Variants in PDE10A observed in about 807,000 individuals in gnomAD.
PDE10A encodes the protein cAMP and cAMP-inhibited cGMP 3',5'-cyclic phosphodiesterase 10A.
In PDE10A, 39 loss-of-function variants were observed where a neutral mutation model predicts 97.7. That is an observed-to-expected ratio of 0.40 (90% CI 0.31 to 0.52). PDE10A has a LOEUF of 0.52. Among genes scored for constraint, PDE10A ranks in the 20% least tolerant of loss-of-function variants. The probability of loss-of-function intolerance (pLI) is 0.56; values close to 1 mark genes in which losing one functional copy is unlikely to be tolerated. For synonymous variants in PDE10A, 371 were observed against 376.8 expected (o/e 0.98, Z 0.18); for missense variants, 731 against 1,047.8 (o/e 0.70, Z 4.17).
intron 2 of PDE10A, among the ~76,000 whole-genome samples, chr6:165,533,757 C>T (rs370877137): frequency 4.6e-5 from 7 of 152,220 alleles, no homozygotes; most frequent in African/African-American, 1.7e-4. Flanking sequence ...TTCTTTTTAA[C>T]TGGGAAATGG....
chr6:165,928,342 G>A (rs1231144707), intron 1 of PDE10A, among the ~76,000 whole-genome samples: 1 of 152,112 alleles, frequency 6.6e-6, no homozygotes, highest in Non-Finnish European at 1.5e-5. Context: ...AATAAAAGGG[G>A]GTTCGTGAAA....
At chr6:165,818,847 C>T (rs1267977994) in intron 1 of PDE10A, among the ~76,000 whole-genome samples, 2 of 152,338 alleles carry the variant, frequency 1.3e-5, no homozygotes, top group East Asian at 3.9e-4. Flanking sequence ...ACCCTGCTTA[C>T]TTCAGCTGTG....
chr6:165,397,987 T>A (rs889815124), intron 13 of PDE10A, among the ~76,000 whole-genome samples: 1 of 152,210 alleles, frequency 6.6e-6, no homozygotes, highest in African/African-American at 2.4e-5. Flanking sequence ...GGTATATTTT[T>A]AAATATTTTA....
intron 1 of PDE10A, among the ~76,000 whole-genome samples, chr6:165,861,840 A>G (rs971964541): frequency 6.6e-6 from 1 of 152,198 alleles, no homozygotes; most frequent in African/African-American, 2.4e-5. Context: ...GCATATTTCC[A>G]TAGGCAGACA....
chr6:165,938,061 G>C (rs1252719470), intron 1 of PDE10A, among the ~76,000 whole-genome samples: 1 of 152,178 alleles, frequency 6.6e-6, no homozygotes, highest in East Asian at 1.9e-4. Context: ...GCCAAAGCTG[G>C]ACTGTCAGTA....
chr6:165,764,673 T>G (rs1055675031), intron 1 of PDE10A, among the ~76,000 whole-genome samples: 6 of 152,142 alleles, frequency 3.9e-5, no homozygotes, highest in African/African-American at 1.4e-4. Context: ...CCTGGCGGGC[T>G]TATAGTCCCA....
intron 1 of PDE10A, among the ~76,000 whole-genome samples, chr6:165,763,104 C>G (rs137863175): frequency 6.6e-6 from 1 of 152,188 alleles, no homozygotes; most frequent in African/African-American, 2.4e-5. Flanking sequence ...GCAGCTGGAG[C>G]GTTTCCACCA....
intron 1 of PDE10A, among the ~76,000 whole-genome samples, chr6:165,625,714 C>G (rs1303502947): frequency 6.6e-6 from 1 of 152,004 alleles, no homozygotes; most frequent in Non-Finnish European, 1.5e-5. Context: ...TGCACAAATT[C>G]TCTCTTGCTG....
At position 165,691,106 on chromosome 6, in the gene PDE10A, T is replaced by C. The variant is rs1017221245; in HGVS notation, c.-614-147538A>G. ...CTCTCTCTCTCTCTCTCTTTCTCTC[T>C]CCCCCCCCCCATCAGTGCCTGTGGT... On this transcript the variant is annotated intron_variant, in intron 1 of 19. Transcript: ENST00000366882. 7.1e-3 allele frequency among the ~76,000 whole-genome samples: 278 copies of C among 39,090 alleles called. 10 individuals are homozygous for C. The highest frequency in any genetic ancestry group is 0.01 in the South Asian group (7 of 688). 25.6% of individuals were successfully genotyped at this position (39,090 alleles called of 152,430 possible).
intron 1 of PDE10A, among the ~76,000 whole-genome samples, chr6:165,841,165 GTCA>G (rs1462395911): frequency 6.6e-6 from 1 of 152,230 alleles, no homozygotes; most frequent in Admixed American, 6.5e-5. Context: ...CTTTTGGAGT[GTCA>G]TCATTGCAAA....
At chr6:165,774,582 A>G (rs953642821) in intron 1 of PDE10A, among the ~76,000 whole-genome samples, 2 of 147,878 alleles carry the variant, frequency 1.4e-5, no homozygotes, top group African/African-American at 4.9e-5. Flanking sequence ...TATTTTATAT[A>G]CTATATGTAT....
intron 1 of PDE10A, among the ~76,000 whole-genome samples, chr6:165,555,077 T>G (rs79651859): frequency 0.011 from 1,705 of 152,172 alleles, 26 homozygotes; most frequent in African/African-American, 0.029. Flanking sequence ...ACCAAAAAAA[T>G]GAACAAGTGA....
intron 1 of PDE10A, among the ~76,000 whole-genome samples, chr6:165,722,226 T>C (rs532797065): frequency 1.1e-4 from 17 of 152,354 alleles, no homozygotes; most frequent in Non-Finnish European, 7.3e-5. Flanking sequence ...CGGTGCAGTT[T>C]CTTGGCTGCC....
intron 3 of PDE10A, among the ~76,000 whole-genome samples, chr6:165,470,143 A>G (rs115630517): frequency 6.6e-6 from 1 of 152,066 alleles, no homozygotes; most frequent in Non-Finnish European, 1.5e-5. Context: ...GGCTGCTTCC[A>G]CTCCTGGAGG....
At chr6:165,894,886 G>A (rs1210044119) in intron 1 of PDE10A, among the ~76,000 whole-genome samples, 3 of 152,198 alleles carry the variant, frequency 2.0e-5, no homozygotes, top group Non-Finnish European at 4.4e-5. Context: ...TCAACCTGGG[G>A]TAAGTATTAG....
At chr6:165,336,102 G>A (rs757732707) in intron 21 of PDE10A, 21 bp downstream of exon 21, 49 of 1,547,214 alleles carry the variant, frequency 3.2e-5, no homozygotes, top group African/African-American at 5.4e-5. Context: ...ATATTTTTAC[G>A]GCTTGAACCA....
chr6:165,912,426 T>C (rs377746871), intron 1 of PDE10A, among the ~76,000 whole-genome samples: 2 of 152,336 alleles, frequency 1.3e-5, no homozygotes, highest in African/African-American at 4.8e-5. Context: ...GGGAGCGTTC[T>C]CAGCTGAGGG....
chr6:165,778,426 A>G (rs1032083061), intron 1 of PDE10A, among the ~76,000 whole-genome samples: 1 of 152,190 alleles, frequency 6.6e-6, no homozygotes. Context: ...GCTCTATAGT[A>G]TGTAGGCACA....
chr6:165,883,548 A>T (rs867593540), intron 1 of PDE10A, among the ~76,000 whole-genome samples: 60 of 74,262 alleles, frequency 8.1e-4, no homozygotes, highest in South Asian at 7.3e-3. Context: ...TCAAAAAAAA[A>T]AAAAATAAAT....
Sources: allele counts gnomAD v4.1 joint callset (sites outside exome capture counted in the v4.1 genomes callset), GRCh38; gene constraint gnomAD v4.1.1; transcripts MANE v1.5; gene names NCBI Gene and HGNC (gene_info 2026-07-23, HGNC 2026-07-21).